Variants in GYG2 observed in about 807,000 individuals in gnomAD.
The protein encoded by GYG2 is glycogenin 2, also known as glycogenin-2.
A neutral mutation model predicts 29.4 loss-of-function variants in GYG2; 29 were observed. The ratio of observed to expected loss-of-function variants is 0.99; its 90% confidence interval spans 0.74 to 1.35. The LOEUF (loss-of-function observed/expected upper bound fraction) is 1.35, where lower values mean the gene tolerates loss of function less well. Ranked by LOEUF, GYG2 falls within the 40% of genes most tolerant of loss-of-function variation. The pLI, the probability that GYG2 is intolerant of heterozygous loss-of-function variation, is 0.00. For missense variants in GYG2, 370 were observed against 385.7 expected (o/e 0.96, Z 0.34); for synonymous variants, 167 against 172.3 (o/e 0.97, Z 0.24).
chrX:2,855,221 C>G, intron 5 of GYG2, 66 bp downstream of exon 5: 2 of 969,433 alleles, frequency 2.1e-6, no homozygotes, highest in Non-Finnish European at 2.9e-6. Flanking sequence ...AGATGTAACA[C>G]GAAGTCAGCC....
intron 2 of GYG2, among the ~76,000 whole-genome samples, chrX:2,842,632 A>G (rs2087529014): frequency 9.0e-6 from 1 of 110,970 alleles, no homozygotes; most frequent in Non-Finnish European, 1.9e-5. Flanking sequence ...CAAACACAAC[A>G]TAAAATAAGG....
chrX:2,844,605 C>T (rs774584489), intron 3 of GYG2, among the ~76,000 whole-genome samples: 1 of 33,522 alleles, frequency 3.0e-5, no homozygotes, highest in East Asian at 1.2e-3. Flanking sequence ...TACGCACACG[C>T]ATGCGTATAT....
intron 5 of GYG2, 33 bp downstream of exon 5, chrX:2,855,188 C>G (rs1406366328): frequency 1.7e-6 from 2 of 1,144,499 alleles, no homozygotes; most frequent in Admixed American, 2.2e-5. Flanking sequence ...CTTAGGGTCT[C>G]TGTTGCACAC....
intron 3 of GYG2, among the ~76,000 whole-genome samples, chrX:2,844,829 T>C (rs1461122737): frequency 9.2e-6 from 1 of 108,376 alleles, no homozygotes; most frequent in Non-Finnish European, 1.9e-5. Flanking sequence ...TACGTATGTG[T>C]ATATGTACAT....
At chrX:2,848,215 T>C (rs1014737974) in intron 3 of GYG2, among the ~76,000 whole-genome samples, 2 of 111,404 alleles carry the variant, frequency 1.8e-5, no homozygotes, top group Admixed American at 1.9e-4. Context: ...GAAGCAAAGA[T>C]AGACAGACAA....
At chrX:2,849,602 T>G (rs1407424686) in intron 3 of GYG2, among the ~76,000 whole-genome samples, 1 of 112,165 alleles carries the variant, frequency 8.9e-6, no homozygotes, top group Non-Finnish European at 1.9e-5. Flanking sequence ...AGAAAAATCC[T>G]AAATGCCTTT....
chrX:2,844,956 A>G (rs1237679650), intron 3 of GYG2, among the ~76,000 whole-genome samples: 1 of 102,547 alleles, frequency 9.8e-6, no homozygotes, highest in Admixed American at 1.1e-4. Flanking sequence ...TTTTATATAC[A>G]TGTATGTATA....
intron 2 of GYG2, among the ~76,000 whole-genome samples, chrX:2,832,705 T>A (rs2087293025): frequency 8.9e-6 from 1 of 111,874 alleles, no homozygotes; most frequent in African/African-American, 3.2e-5. Flanking sequence ...CGGCTCACTT[T>A]TGTATTTTTA....
chrX:2,848,964 G>A (rs1432946732), intron 3 of GYG2, among the ~76,000 whole-genome samples: 3 of 110,941 alleles, frequency 2.7e-5, no homozygotes, highest in Non-Finnish European at 5.7e-5. Context: ...AGTGGAAGAC[G>A]AGCAGTGAGC....
At chrX:2,872,647 C>A (rs923648360) in intron 8 of GYG2, among the ~76,000 whole-genome samples, 1 of 112,331 alleles carries the variant, frequency 8.9e-6, no homozygotes, top group Non-Finnish European at 1.9e-5. Context: ...TGATCGGCCC[C>A]GTGGAACTTA....
In GYG2 at chrX:2,881,832, C is replaced by A. The variant is rs1030723003; in HGVS notation, c.*619C>A. 8.1e-5 allele frequency: 9 copies of A among 111,318 alleles called. No individual in the cohort carries two copies. The highest frequency in any genetic ancestry group is 4.7e-3 in the Middle Eastern group (1 of 215). The allele number at this position is 111,318 out of a possible 1,213,427, so 9.2% of individuals were successfully genotyped here. On this transcript the variant is annotated 3_prime_UTR_variant, in exon 11 of 11. Transcript: ENST00000398806. ...CGTTGACAGAAATTCTACTCGTGGA[C>A]GTTGGGAAGAAAGATTGTAGGTGGC...
intron 2 of GYG2, among the ~76,000 whole-genome samples, chrX:2,841,434 G>A (rs1424269942): frequency 1.8e-5 from 2 of 110,560 alleles, no homozygotes; most frequent in Admixed American, 9.6e-5. Flanking sequence ...ATGGACGGAT[G>A]GATGGATGGA....
Position 2,830,144 on chromosome X carries a change from C to CGCAGGTCT in GYG2, c.-37_-30dup, listed in dbSNP as rs1482052728. 1.5e-5 allele frequency: 18 copies of CGCAGGTCT among 1,193,336 alleles called. No individual in the cohort carries two copies. The highest frequency in any genetic ancestry group is 1.9e-5 in the Non-Finnish European group (17 of 880,038). Reference sequence around the variant, plus strand: ...AGGAAGTCCACCCACTGCTCCCGGGCGCAGGTCTGCAGGTCCGCGCCCACT... The same window carrying CGCAGGTCT: ...AGGAAGTCCACCCACTGCTCCCGGGCGCAGGTCTGCAGGTCTGCAGGTCCGCGCCCACT... On this transcript the variant is annotated 5_prime_UTR_variant, in exon 2 of 11. Transcript: ENST00000398806.
chrX:2,837,936 T>G (rs2087413442), intron 2 of GYG2, among the ~76,000 whole-genome samples: 1 of 109,837 alleles, frequency 9.1e-6, no homozygotes, highest in Admixed American at 9.8e-5. Flanking sequence ...TGGAGTGCAG[T>G]GGCACAATTA....
At chrX:2,833,690 T>C (rs1239582438) in intron 2 of GYG2, among the ~76,000 whole-genome samples, 4 of 112,514 alleles carry the variant, frequency 3.6e-5, no homozygotes, top group African/African-American at 1.3e-4. Context: ...GTCATTTCTT[T>C]CAGTTGTCAC....
rs141440542 is a variant in GYG2 at position 2,881,199 on chromosome X, C to G, written c.1399C>G (p.Arg467Gly). The G allele has an allele frequency of 7.6e-5, 90 of 1,187,094 alleles. No individual in the cohort carries two copies. Among genetic ancestry groups the G allele is most frequent in the Non-Finnish European group, 9.4e-5 (83 of 883,127 alleles). ...TGCTCGCATCCAGGAGAAGCTGGACCGGTTCCTGCAGTAATCCGGCAGCTG... is the reference window on the plus strand; with the variant it reads ...TGCTCGCATCCAGGAGAAGCTGGACGGGTTCCTGCAGTAATCCGGCAGCTG... The part of the protein sequence containing the change: ...AFARIQEKLD[R>G]FLQ Residue 467 changes from arginine (R) to glycine (G), a missense_variant, in exon 11 of 11, where the codon CGG becomes GGG. Coordinates refer to ENST00000398806, the MANE Select transcript of GYG2 (RefSeq NM_001079855.2).
At position 2,844,445 on chromosome X, in the gene GYG2, A is replaced by T. The variant is rs73632941; in HGVS notation, c.149+1091A>T. On this transcript the variant is annotated intron_variant, in intron 3 of 10. Transcript: ENST00000398806. ...ATCAGTGAAGAAATTATCCAGTTCA[A>T]ATATATATGTATATACACACACGTA... Among the ~76,000 whole-genome samples, 1,017 of 110,838 alleles carry T rather than the reference A, an allele frequency of 9.2e-3. 15 individuals carry two copies. The highest frequency in any genetic ancestry group is 0.03 in the African/African-American group (913 of 30,557).
chrX:2,857,052 T>C (rs1468081442), intron 6 of GYG2, among the ~76,000 whole-genome samples: 2 of 109,582 alleles, frequency 1.8e-5, no homozygotes, highest in African/African-American at 3.3e-5. Flanking sequence ...TCTGTATACA[T>C]AGATCTATAT....
chrX:2,848,152 A>G (rs1408091693), intron 3 of GYG2, among the ~76,000 whole-genome samples: 1 of 112,194 alleles, frequency 8.9e-6, no homozygotes, highest in Non-Finnish European at 1.9e-5. Context: ...ATCACGTACA[A>G]AGAACTCTGA....
Sources: allele counts gnomAD v4.1 joint callset (sites outside exome capture counted in the v4.1 genomes callset), GRCh38; gene constraint gnomAD v4.1.1; transcripts MANE v1.5; gene names NCBI Gene and HGNC (gene_info 2026-07-23, HGNC 2026-07-21).